The following SCAF4 variants were observed in gnomAD, a reference collection of about 807,000 sequenced individuals.
The protein encoded by SCAF4 is SR-related and CTD-associated factor 4.
Under a neutral mutation model 129.8 loss-of-function variants are expected in SCAF4, and 25 were observed. The ratio of observed to expected loss-of-function variants is 0.19; its 90% confidence interval spans 0.14 to 0.27. SCAF4 has a LOEUF of 0.27. Among genes scored for constraint, SCAF4 ranks in the 10% least tolerant of loss-of-function variants. The pLI, the probability that SCAF4 is intolerant of heterozygous loss-of-function variation, is 1.00. For synonymous variants in SCAF4, 551 were observed against 497.7 expected, an observed-to-expected ratio of 1.11 and a Z score of -1.43; for missense variants, 1,246 against 1,457.1, an observed-to-expected ratio of 0.86 and a Z score of 2.36.
intron 19 of SCAF4, among the ~76,000 whole-genome samples, chr21:31,675,310 G>A (rs967255992): frequency 6.6e-6 from 1 of 152,166 alleles, no homozygotes; most frequent in African/African-American, 2.4e-5. Context: ...ATGATTCTAT[G>A]ATTGTTTTTG....
At chr21:31,709,320 C>T (rs1196231296) in intron 1 of SCAF4, among the ~76,000 whole-genome samples, 1 of 134,560 alleles carries the variant, frequency 7.4e-6, no homozygotes. Flanking sequence ...GAAAATACAA[C>T]GAATAAATAC....
chr21:31,706,822 G>C, intron 1 of SCAF4: 1 of 235,754 alleles, frequency 4.2e-6, no homozygotes, highest in South Asian at 5.8e-5. Context: ...TAAAACCAAT[G>C]AGAGTCCAGC....
intron 15 of SCAF4, 45 bp from the exon 16 acceptor site, chr21:31,688,509 T>C: frequency 6.6e-7 from 1 of 1,511,212 alleles, no homozygotes; most frequent in Non-Finnish European, 9.1e-7. Flanking sequence ...CATTTTCAGT[T>C]TGTAACTTTA....
chr21:31,680,187 T>A, intron 19 of SCAF4, among the ~76,000 whole-genome samples: 1 of 152,170 alleles, frequency 6.6e-6, no homozygotes, highest in East Asian at 1.9e-4. Context: ...GCCTAACAAG[T>A]GACAGCCCAG....
chr21:31,728,869 TCTA>T (rs1294541523), intron 1 of SCAF4, among the ~76,000 whole-genome samples: 1 of 152,184 alleles, frequency 6.6e-6, no homozygotes, highest in Non-Finnish European at 1.5e-5. Flanking sequence ...CATTTTCTTC[TCTA>T]CTAAGTAGGC....
chr21:31,688,194 G>T, intron 16 of SCAF4, 113 bp downstream of exon 16: 1 of 570,130 alleles, frequency 1.8e-6, no homozygotes, highest in Non-Finnish European at 2.6e-6. Context: ...AATGTAATAT[G>T]CACATATATG....
chr21:31,673,615 A>G (rs1278564631), intron 19 of SCAF4, among the ~76,000 whole-genome samples: 1 of 152,238 alleles, frequency 6.6e-6, no homozygotes, highest in Non-Finnish European at 1.5e-5. Context: ...TGTATCTCAG[A>G]TAGAAATAAA....
chr21:31,719,162 T>C (rs1174091724), intron 1 of SCAF4, among the ~76,000 whole-genome samples: 2 of 152,042 alleles, frequency 1.3e-5, no homozygotes, highest in African/African-American at 2.4e-5. Flanking sequence ...TGGTGGCACA[T>C]GCCTGTAATC....
intron 19 of SCAF4, among the ~76,000 whole-genome samples, chr21:31,677,596 G>A (rs1396334451): frequency 5.3e-5 from 8 of 152,064 alleles, no homozygotes; most frequent in African/African-American, 1.4e-4. Context: ...CTGCCAAGTC[G>A]CAGCGCTCTT....
At chr21:31,697,711 T>C (rs2050422927) in intron 7 of SCAF4, among the ~76,000 whole-genome samples, 2 of 152,236 alleles carry the variant, frequency 1.3e-5, no homozygotes, top group Non-Finnish European at 2.9e-5. Flanking sequence ...GAGATTCTGG[T>C]TTTGCTTTAT....
In SCAF4 at chr21:31,676,198, A is replaced by G. The variant is rs947077622; in HGVS notation, c.2489-3844T>C. ...TCTACCTGTTTTGGTCAACAACCCTATCTTCCATTCTACCAGAGCCACCAT... is the reference window on the plus strand; with the variant it reads ...TCTACCTGTTTTGGTCAACAACCCTGTCTTCCATTCTACCAGAGCCACCAT... On this transcript the variant is annotated intron_variant, in intron 19 of 19. Coordinates refer to ENST00000286835, the MANE Select transcript of SCAF4 (RefSeq NM_020706.2). 6.6e-5 allele frequency among the ~76,000 whole-genome samples: 10 copies of G among 152,292 alleles called. 1 individual carries two copies. The highest frequency in any genetic ancestry group is 2.4e-4 in the African/African-American group (10 of 41,554).
rs2051198430 is a variant in SCAF4, at chr21:31,726,145, ACACC to A, written c.30+5514_30+5517del. 5.9e-5 allele frequency among the ~76,000 whole-genome samples: 9 copies of A among 151,620 alleles called. No homozygotes were observed. In the South Asian group the frequency reaches 1.9e-3, roughly 32 times the overall value. On this transcript the variant is annotated intron_variant, in intron 1 of 19. Transcript: ENST00000286835. ...ACTGCAAGCTCCGCCTCCCGGGTTC[ACACC>A]ATTCTCCTGCCTCAGCCTCCCAAGT...
At chr21:31,731,529 C>A (rs1227436538) in intron 1 of SCAF4, 134 bp downstream of exon 1, 5 of 1,055,914 alleles carry the variant, frequency 4.7e-6, no homozygotes, top group Middle Eastern at 2.7e-4. Flanking sequence ...CCGCTCCGCG[C>A]AGGCCCCGCC....
chr21:31,723,863 A>G (rs922574471), intron 1 of SCAF4, among the ~76,000 whole-genome samples: 3 of 152,128 alleles, frequency 2.0e-5, no homozygotes, highest in Non-Finnish European at 4.4e-5. Flanking sequence ...AACATAAATT[A>G]TAACTTTCAA....
chr21:31,697,514 G>A (rs1024815201), intron 7 of SCAF4, among the ~76,000 whole-genome samples: 1 of 152,196 alleles, frequency 6.6e-6, no homozygotes, highest in Non-Finnish European at 1.5e-5. Flanking sequence ...AGGTGATTAA[G>A]AAACATGATT....
rs375104497 is a variant in SCAF4 at position 31,716,697 on chromosome 21, AG to A, written c.31-10341del. Among the ~76,000 whole-genome samples the A allele has an allele frequency of 5.6e-4, 86 of 152,278 alleles. 3 individuals are homozygous for A. In the East Asian group the frequency reaches 0.016, roughly 29 times the overall value. On this transcript the variant is annotated intron_variant, in intron 1 of 19. Transcript: ENST00000286835. ...GACAACTCCATAAAACACTACTGCT[AG>A]AACAACTAGGTAAGGGATCATGTAC...
Position 31,672,342 on chromosome 21 carries a change from A to G in SCAF4, c.2501T>C (p.Val834Ala). The change falls in exon 20 of 20, where the codon GTT (valine) becomes GCT (alanine). Residue 834 changes from valine (V) to alanine (A), a missense_variant. By Grantham distance (64) the Val-to-Ala change is moderately conservative. This residue lies in a region of SCAF4 where 468 missense variants were observed against 605.5 expected (regional missense o/e 0.77). Coordinates refer to ENST00000286835, the MANE Select transcript of SCAF4 (RefSeq NM_020706.2). ...QPVSLLGTQGVAPGPVIGLQA... is the reference protein window; with the variant it reads ...QPVSLLGTQGAAPGPVIGLQA... ...AAGTCCAATTACAGGACCAGGGGCA[A>G]CTCCTTGAGTGCCTAAAAGACGACA... 6.2e-7 allele frequency: 1 copy of G among 1,612,834 alleles called. No homozygotes were observed. Among genetic ancestry groups the G allele is most frequent in the Non-Finnish European group, 8.5e-7 (1 of 1,179,520 alleles).
intron 15 of SCAF4, 131 bp downstream of exon 15, chr21:31,690,666 G>A (rs2050238070): frequency 1.4e-6 from 1 of 699,800 alleles, no homozygotes. Context: ...TTATAATGGA[G>A]ATACTGACAC....
At position 31,702,276 on chromosome 21, in the gene SCAF4, G is replaced by A. The variant is rs949022686; in HGVS notation, c.425C>T (p.Ala142Val). The change falls in exon 5 of 20, where the codon GCC becomes GTC. Residue 142 changes from alanine (A) to valine (V), a missense_variant. Physicochemically the swap from Ala to Val is moderately conservative, Grantham distance 64 (BLOSUM62 0). Coordinates refer to ENST00000286835, the MANE Select transcript of SCAF4 (RefSeq NM_020706.2). ...ATTGGTAACATTTTCTGCTACTGGG[G>A]CTGCATTACTGGTTCCCGCTGCCAT... ...LDMAAGTSNA[A>V]PVAENVTNNE... The A allele has an allele frequency of 1.9e-6, 3 of 1,613,976 alleles. No individual in the cohort carries two copies. Among genetic ancestry groups the A allele is most frequent in the East Asian group, 2.2e-5 (1 of 44,850 alleles).
Sources: allele counts gnomAD v4.1 joint callset (sites outside exome capture counted in the v4.1 genomes callset), GRCh38; gene constraint gnomAD v4.1.1; regional missense constraint gnomAD v4.1.1; transcripts MANE v1.5; gene names NCBI Gene and HGNC (gene_info 2026-07-23, HGNC 2026-07-21).